The following MGA variants were observed in gnomAD, a reference collection of about 807,000 sequenced individuals.
The protein encoded by MGA is MAX dimerization protein MGA.
In MGA, 40 loss-of-function variants were observed where a neutral mutation model predicts 261.1. The observed-to-expected ratio is 0.15, with a 90% CI of 0.12 to 0.20. The LOEUF (loss-of-function observed/expected upper bound fraction) is 0.20. Among genes scored for constraint, MGA ranks in the 10% least tolerant of loss-of-function variants. The probability of loss-of-function intolerance (pLI) is 1.00; values close to 1 mark genes in which losing one functional copy is unlikely to be tolerated. For synonymous variants in MGA, 1,302 were observed against 1,290.6 expected, an observed-to-expected ratio of 1.01 and a Z score of -0.19; for missense variants, 3,397 against 3,630.5, an observed-to-expected ratio of 0.94 and a Z score of 1.65.
rs558652892 is a variant in MGA, at chr15:41,718,462, G to A, written c.3430+4966G>A. ...AGCTGAGGAATAGCTTTGATTTTTC[G>A]TACAATTTGTGAGTCCACAGCTTTC... On this transcript the variant is annotated intron_variant, in intron 9 of 23. Transcript: ENST00000219905. The A allele has an allele frequency of 8.3e-4, 707 of 849,958 alleles. 8 individuals carry two copies. In the South Asian group the frequency reaches 0.01, roughly 12 times the overall value. The allele number at this position is 849,958 out of a possible 1,614,324, so 52.7% of individuals were successfully genotyped here. A position where few individuals can be genotyped will look rare whatever the true frequency, so the allele number is the denominator to read the frequency against.
At chr15:41,715,970 G>A (rs892183619) in intron 9 of MGA, among the ~76,000 whole-genome samples, 3 of 152,062 alleles carry the variant, frequency 2.0e-5, no homozygotes, top group African/African-American at 7.2e-5. Flanking sequence ...TTACCTCTTA[G>A]GCTTTACTGC....
intron 13 of MGA, among the ~76,000 whole-genome samples, chr15:41,737,662 G>T (rs565155893): frequency 1.3e-5 from 2 of 152,204 alleles, no homozygotes; most frequent in South Asian, 4.1e-4. Flanking sequence ...GAAAAGAGAC[G>T]TTCTGAATTA....
chr15:41,662,406 G>A (rs2057466335), intron 1 of MGA, among the ~76,000 whole-genome samples: 1 of 152,178 alleles, frequency 6.6e-6, no homozygotes, highest in Non-Finnish European at 1.5e-5. Context: ...AAGAGAAGGA[G>A]GCAGTACTCT....
In MGA at chr15:41,768,293, A is replaced by T. The variant is rs2063898247; in HGVS notation, c.*1013A>T. 6.6e-6 allele frequency: 1 copy of T among 152,646 alleles called. No homozygotes were observed. The highest frequency in any genetic ancestry group is 1.5e-5 in the Non-Finnish European group (1 of 68,048). 9.5% of individuals were successfully genotyped at this position (152,646 alleles called of 1,614,324 possible). A position where few individuals can be genotyped will look rare whatever the true frequency, so the allele number is the denominator to read the frequency against. On this transcript the variant is annotated 3_prime_UTR_variant, in exon 24 of 24. Coordinates refer to ENST00000219905, the MANE Select transcript of MGA (RefSeq NM_001164273.2). ...TAAGGCAGTATTTGAATCACAAGAT[A>T]TATTTTTTATCTGCAACCATGGATC...
chr15:41,759,958 T>C (rs920133137), intron 19 of MGA, among the ~76,000 whole-genome samples: 2 of 152,116 alleles, frequency 1.3e-5, no homozygotes, highest in African/African-American at 2.4e-5. Flanking sequence ...ACAGTATTTT[T>C]TGAAAAACAT....
rs749109550 is a variant in MGA at position 41,697,027 on chromosome 15, A to C, written c.2013+4A>C. Reference sequence around the variant, plus strand: ...CTTTGTTTCCTTTGAATCAAAGGTAAGATTGTAATTTTCAGGATTCTTTAA... The same window carrying C: ...CTTTGTTTCCTTTGAATCAAAGGTACGATTGTAATTTTCAGGATTCTTTAA... On this transcript the variant is annotated splice_donor_region_variant and intron_variant, in intron 3 of 23. Transcript: ENST00000219905. The C allele has an allele frequency of 1.3e-6, 2 of 1,521,240 alleles. No homozygotes were observed. Among genetic ancestry groups the C allele is most frequent in the Non-Finnish European group, 1.8e-6 (2 of 1,136,340 alleles). 94.2% of individuals were successfully genotyped at this position (1,521,240 alleles called of 1,614,324 possible). A position where few individuals can be genotyped will look rare whatever the true frequency, so the allele number is the denominator to read the frequency against.
chr15:41,749,942 T>C lies in MGA; in HGVS notation c.6335T>C (p.Val2112Ala). Reference sequence around the variant, plus strand: ...GTACAGCATCAAAAACTTGGTGATGTGAAGGTGGAACAGCAGAAAGGATTT... The same window carrying C: ...GTACAGCATCAAAAACTTGGTGATGCGAAGGTGGAACAGCAGAAAGGATTT... The change falls in exon 17 of 24, where the codon GTG becomes GCG. Residue 2112 changes from valine (V) to alanine (A), a missense_variant. Transcript: ENST00000219905. 1.2e-6 allele frequency: 2 copies of C among 1,613,750 alleles called. No individual in the cohort carries two copies. The highest frequency in any genetic ancestry group is 1.7e-6 in the Non-Finnish European group (2 of 1,179,830).
In MGA at chr15:41,762,387, C is replaced by T. The variant is rs139890916; in HGVS notation, c.7744+25C>T. ...GGTAGGAGGGACATTCTTCGCTTTC[C>T]TTAATGTAGATATACATCAGTTGAC... On this transcript the variant is annotated intron_variant, in intron 22 of 23. Transcript: ENST00000219905. The T allele has an allele frequency of 3.8e-4, 606 of 1,576,404 alleles. 1 individual carries two copies. The African/African-American group carries it at 6.0e-3, about 16-fold the overall frequency.
chr15:41,665,581 T>G (rs1010550508), intron 1 of MGA, among the ~76,000 whole-genome samples: 11 of 152,156 alleles, frequency 7.2e-5, no homozygotes, highest in Admixed American at 5.2e-4. Flanking sequence ...TTTTCCAGGT[T>G]GGTCTCAAAC....
chr15:41,644,460 A>C (rs2056893950), intron 1 of MGA, among the ~76,000 whole-genome samples: 1 of 151,838 alleles, frequency 6.6e-6, no homozygotes, highest in Non-Finnish European at 1.5e-5. Flanking sequence ...GTTTGAGACC[A>C]GCTTGGTCAA....
intron 18 of MGA, 147 bp downstream of exon 18, chr15:41,754,714 C>A: frequency 1.1e-6 from 1 of 916,572 alleles, no homozygotes; most frequent in Non-Finnish European, 1.5e-6. Flanking sequence ...AGGAGAGGAA[C>A]TAGAATTTGG....
intron 17 of MGA, among the ~76,000 whole-genome samples, chr15:41,753,196 G>A (rs1049901708): frequency 8.5e-5 from 13 of 152,082 alleles, no homozygotes; most frequent in Non-Finnish European, 1.8e-4. Flanking sequence ...GATCACCTGA[G>A]GTCAGGAGTT....
chr15:41,636,620 A>G (rs1045296555), intron 1 of MGA, among the ~76,000 whole-genome samples: 7 of 151,994 alleles, frequency 4.6e-5, no homozygotes, highest in Non-Finnish European at 8.8e-5. Flanking sequence ...TCACCGTGTT[A>G]GCCACAGTGG....
chr15:41,638,949 G>A (rs950305141), intron 1 of MGA, among the ~76,000 whole-genome samples: 1 of 151,948 alleles, frequency 6.6e-6, no homozygotes, highest in Non-Finnish European at 1.5e-5. Flanking sequence ...GGGATCAAGT[G>A]ATCCACCTGT....
Position 41,749,856 on chromosome 15 carries a change from T to C in MGA, c.6249T>C (p.Val2083=), listed in dbSNP as rs541150586. ...AGAGTTCCAAAGAAAAAGTGGCTGTTCTGGAAGTTAGGACCATTTCTGAAA... is the reference window on the plus strand; with the variant it reads ...AGAGTTCCAAAGAAAAAGTGGCTGTCCTGGAAGTTAGGACCATTTCTGAAA... The change falls in exon 17 of 24, where the codon GTT becomes GTC. Residue 2083 remains valine (V), a synonymous_variant. Transcript: ENST00000219905. 8 of 1,613,924 alleles carry C rather than the reference T, an allele frequency of 5.0e-6. No individual in the cohort carries two copies. In the Admixed American group the frequency reaches 1.2e-4, roughly 24 times the overall value.
chr15:41,690,904 A>G (rs546345042), intron 2 of MGA, among the ~76,000 whole-genome samples: 35 of 151,834 alleles, frequency 2.3e-4, no homozygotes, highest in African/African-American at 8.0e-4. Flanking sequence ...TAATAGACAC[A>G]CTGTCTTAAT....
At chr15:41,720,906 T>G (rs2060903882) in intron 9 of MGA, among the ~76,000 whole-genome samples, 1 of 152,136 alleles carries the variant, frequency 6.6e-6, no homozygotes, top group African/African-American at 2.4e-5. Context: ...GGCGAAGAAA[T>G]AAAGAAAGAA....
intron 2 of MGA, among the ~76,000 whole-genome samples, chr15:41,674,514 T>C (rs975985696): frequency 1.3e-5 from 2 of 151,118 alleles, no homozygotes; most frequent in Non-Finnish European, 2.9e-5. Flanking sequence ...TGATTATTCT[T>C]ATTTTTATTT....
At position 41,729,245 on chromosome 15, in the gene MGA, A is replaced by G. The variant is rs761278702; in HGVS notation, c.3739A>G (p.Lys1247Glu). The G allele has an allele frequency of 3.1e-6, 5 of 1,613,884 alleles. No homozygotes were observed. Among genetic ancestry groups the G allele is most frequent in the East Asian group, 2.2e-5 (1 of 44,884 alleles). ...TGCTCGAGTTCGAGTATATGAGCGA[A>G]AAAAAGAGGACCAGAGACAACCATC... Residue 1247 changes from lysine (K) to glutamate (E), a missense_variant, in exon 11 of 24, where the codon AAA becomes GAA. Transcript: ENST00000219905.
Sources: allele counts gnomAD v4.1 joint callset (sites outside exome capture counted in the v4.1 genomes callset), GRCh38; gene constraint gnomAD v4.1.1; transcripts MANE v1.5; gene names NCBI Gene and HGNC (gene_info 2026-07-23, HGNC 2026-07-21).